TRDN: variants seen among roughly 807,000 people sequenced by gnomAD.
TRDN encodes triadin in skeletal muscle.
TRDN carries 161 observed loss-of-function variants against 149.7 expected under a neutral mutation model. The observed-to-expected ratio is 1.08, with a 90% CI of 0.95 to 1.23. TRDN has a LOEUF of 1.23. TRDN is among the 50% of genes most tolerant of loss of function. TRDN has a pLI of 0.00. For synonymous variants in TRDN, 294 were observed against 250.5 expected (o/e 1.17, Z -1.64); for missense variants, 896 against 823.5 (o/e 1.09, Z -1.08).
At chr6:123,464,484 G>A (rs1452189887) in intron 10 of TRDN, 2 of 990,418 alleles carry the variant, frequency 2.0e-6, no homozygotes, top group Non-Finnish European at 2.4e-6. Flanking sequence ...CTCATGAAGA[G>A]TTAATTTAAA....
chr6:123,430,454 T>C (rs1056903789), intron 12 of TRDN, among the ~76,000 whole-genome samples: 5 of 151,952 alleles, frequency 3.3e-5, no homozygotes, highest in Admixed American at 1.3e-4. Context: ...TGGTGGCATG[T>C]GCCTGTAGTC....
intron 10 of TRDN, chr6:123,456,743 T>C (rs1776147077): frequency 2.2e-6 from 1 of 453,334 alleles, no homozygotes; most frequent in Admixed American, 2.4e-5. Flanking sequence ...TGTTGGGGAT[T>C]ACAGCATTCC....
chr6:123,274,663 T>C lies in TRDN; in HGVS notation c.1575A>G (p.Gln525=). 1 of 1,608,762 alleles carries C rather than the reference T, an allele frequency of 6.2e-7. No individual in the cohort carries two copies. Among genetic ancestry groups the C allele is most frequent in the South Asian group, 1.1e-5 (1 of 90,138 alleles). The change falls in exon 27 of 41, where the codon CAA becomes CAG. Residue 525 remains glutamine, a synonymous_variant. Coordinates refer to ENST00000334268, the MANE Select transcript of TRDN (RefSeq NM_006073.4). ...QGKKEEKPEP[Q]IKKEAKPAIS... ...TACCTGGTTTTGCTTCTTTTTTAAT[T>C]TGGGGCTCTGAGGGAGAGAAAAGGC...
intron 1 of TRDN, among the ~76,000 whole-genome samples, chr6:123,620,343 G>A (rs545931532): frequency 1.1e-3 from 160 of 152,218 alleles, no homozygotes; most frequent in African/African-American, 3.6e-3. Flanking sequence ...TTTCCAATAA[G>A]TGCCCAGGTG....
intron 19 of TRDN, among the ~76,000 whole-genome samples, chr6:123,370,283 T>C (rs1022164952): frequency 3.9e-5 from 6 of 152,020 alleles, no homozygotes; most frequent in Non-Finnish European, 8.8e-5. Context: ...TTTTATTACA[T>C]GTATTTGTCT....
intron 9 of TRDN, chr6:123,469,036 C>T (rs1776998924): frequency 6.6e-6 from 1 of 152,076 alleles, no homozygotes; most frequent in Admixed American, 6.6e-5. Flanking sequence ...CTTTCAGGTT[C>T]ATAGAAGGCA....
At chr6:123,328,014 A>T (rs1325561546) in intron 23 of TRDN, among the ~76,000 whole-genome samples, 1 of 152,146 alleles carries the variant, frequency 6.6e-6, no homozygotes, top group Non-Finnish European at 1.5e-5. Context: ...AAATGCTTGT[A>T]TCTCTCCCAT....
In TRDN at chr6:123,260,473, A is replaced by C. The variant is rs965928845; in HGVS notation, c.1831+139T>G. 8 of 895,066 alleles carry C rather than the reference A, an allele frequency of 8.9e-6. No homozygotes were observed. In the African/African-American group the frequency reaches 1.4e-4, roughly 16 times the overall value. 55.4% of individuals were successfully genotyped at this position (895,066 alleles called of 1,614,324 possible). A position where few individuals can be genotyped will look rare whatever the true frequency, so the allele number is the denominator to read the frequency against. ...CTTATAACAAGCCTTTTGGGAAGTC[A>C]TTATGCCTGTTCTGTAGAACAGAAT... is the stretch of plus-strand genomic sequence containing the variant. On this transcript the variant is annotated intron_variant, in intron 34 of 40. Transcript: ENST00000334268.
intron 14 of TRDN, among the ~76,000 whole-genome samples, chr6:123,383,656 A>C (rs1446260259): frequency 6.6e-6 from 1 of 152,062 alleles, no homozygotes; most frequent in Non-Finnish European, 1.5e-5. Flanking sequence ...AAATAAGATA[A>C]ATTAAATAAT....
Position 123,390,808 on chromosome 6 carries a change from G to T in TRDN, c.1106-2257C>A, listed in dbSNP as rs1161949122. ...CATGGTTCTCAATAACTGGGTTTTTGGTTTTCACATTGTAAAAAGACTGGA... is the reference window on the plus strand; with the variant it reads ...CATGGTTCTCAATAACTGGGTTTTTTGTTTTCACATTGTAAAAAGACTGGA... On this transcript the variant is annotated intron_variant, in intron 13 of 40. Transcript: ENST00000334268. 5.3e-5 allele frequency among the ~76,000 whole-genome samples: 8 copies of T among 151,838 alleles called. No homozygotes were observed. The East Asian group carries it at 1.5e-3, about 29-fold the overall frequency.
chr6:123,582,402 C>T (rs1783167135), intron 1 of TRDN, among the ~76,000 whole-genome samples: 1 of 151,906 alleles, frequency 6.6e-6, no homozygotes, highest in Admixed American at 6.6e-5. Flanking sequence ...GTTTATTTCA[C>T]CTGGGTGCAG....
At chr6:123,359,821 G>A (rs1185901697) in intron 20 of TRDN, among the ~76,000 whole-genome samples, 1 of 151,792 alleles carries the variant, frequency 6.6e-6, no homozygotes, top group Non-Finnish European at 1.5e-5. Context: ...TCAGCCTCCC[G>A]AGTAGCTGGG....
intron 19 of TRDN, among the ~76,000 whole-genome samples, chr6:123,374,735 G>A (rs772663541): frequency 4.6e-5 from 7 of 151,586 alleles, no homozygotes; most frequent in Admixed American, 2.0e-4. Flanking sequence ...AGATCACGCC[G>A]CTGCACTCCA....
intron 24 of TRDN, among the ~76,000 whole-genome samples, chr6:123,299,252 G>A (rs78156477): frequency 0.023 from 3,487 of 152,036 alleles, 141 homozygotes; most frequent in African/African-American, 0.08. Context: ...CATGGGAAGG[G>A]GGTGAAGGGT....
In TRDN at chr6:123,472,353, C is replaced by G. The variant is rs71365380; in HGVS notation, c.854-7370G>C. ...CCTGGAAAATCGGGTCACTCCCACCCGAATACTGCGCTTTTCCGACAGGCT... is the reference window on the plus strand; with the variant it reads ...CCTGGAAAATCGGGTCACTCCCACCGGAATACTGCGCTTTTCCGACAGGCT... On this transcript the variant is annotated intron_variant, in intron 9 of 40. Coordinates refer to ENST00000334268, the MANE Select transcript of TRDN (RefSeq NM_006073.4). 1.2e-4 allele frequency among the ~76,000 whole-genome samples: 18 copies of G among 152,310 alleles called. No individual in the cohort carries two copies. The East Asian group carries it at 2.7e-3, about 23-fold the overall frequency.
At chr6:123,299,098 T>C (rs1231318464) in intron 24 of TRDN, among the ~76,000 whole-genome samples, 1 of 152,014 alleles carries the variant, frequency 6.6e-6, no homozygotes, top group Non-Finnish European at 1.5e-5. Flanking sequence ...TTAAACTCTG[T>C]CATCCTAATC....
chr6:123,576,146 T>A (rs563664997), intron 1 of TRDN, among the ~76,000 whole-genome samples: 1 of 152,148 alleles, frequency 6.6e-6, no homozygotes, highest in Non-Finnish European at 1.5e-5. Flanking sequence ...CCCAATCACA[T>A]GAAAAAGTGA....
intron 1 of TRDN, among the ~76,000 whole-genome samples, chr6:123,628,933 AGG>A (rs1411010556): frequency 6.6e-6 from 1 of 152,156 alleles, no homozygotes; most frequent in Admixed American, 6.6e-5. Context: ...TTTCAGATGG[AGG>A]TAACTTGCCT....
intron 5 of TRDN, among the ~76,000 whole-genome samples, chr6:123,524,655 C>T (rs1779857763): frequency 6.6e-6 from 1 of 151,898 alleles, no homozygotes; most frequent in African/African-American, 2.4e-5. Context: ...TTTAATACCA[C>T]CAAAAAACAA....
Sources: gnomAD v4.1 joint callset for allele counts (sites outside exome capture counted in the v4.1 genomes callset) on GRCh38, gnomAD v4.1.1 for gene constraint, MANE v1.5 for transcripts, NCBI Gene and HGNC (gene_info 2026-07-23, HGNC 2026-07-21) for gene names.